Variants in SYT9 observed in about 807,000 individuals in gnomAD.
SYT9 encodes synaptotagmin 9.
SYT9 carries 22 observed loss-of-function variants against 48.4 expected under a neutral mutation model. The ratio of observed to expected loss-of-function variants is 0.45; its 90% CI spans 0.32 to 0.65. SYT9 has a LOEUF of 0.65. Ranked by LOEUF, SYT9 falls within the 30% of genes least tolerant of loss-of-function variation. The pLI, the probability that SYT9 is intolerant of heterozygous loss-of-function variation, is 0.03. For missense variants in SYT9, 577 were observed against 622.0 expected, an observed-to-expected ratio of 0.93 and a Z score of 0.77; for synonymous variants, 265 against 245.0, an observed-to-expected ratio of 1.08 and a Z score of -0.76.
chr11:7,258,496 A>G (rs1046261119), intron 1 of SYT9, among the ~76,000 whole-genome samples: 1 of 152,076 alleles, frequency 6.6e-6, no homozygotes, highest in Non-Finnish European at 1.5e-5. Flanking sequence ...AAATCTTCAT[A>G]TGGCCTTGCA....
At chr11:7,448,561 A>G (rs1377907734) in intron 6 of SYT9, among the ~76,000 whole-genome samples, 2 of 152,228 alleles carry the variant, frequency 1.3e-5, no homozygotes, top group Admixed American at 6.5e-5. Context: ...TTGCAATTTC[A>G]TGCTGCGATT....
At chr11:7,332,235 C>A (rs1170880851) in intron 3 of SYT9, among the ~76,000 whole-genome samples, 1 of 152,176 alleles carries the variant, frequency 6.6e-6, no homozygotes, top group Non-Finnish European at 1.5e-5. Context: ...TGAGGTATCC[C>A]ACCCTGAGAC....
intron 3 of SYT9, among the ~76,000 whole-genome samples, chr11:7,365,321 A>G (rs942327226): frequency 3.3e-5 from 5 of 152,228 alleles, no homozygotes; most frequent in African/African-American, 7.2e-5. Flanking sequence ...CTCCCAATTT[A>G]TAGAGGAGAG....
intron 1 of SYT9, among the ~76,000 whole-genome samples, chr11:7,264,014 T>G (rs1253201919): frequency 6.6e-6 from 1 of 151,994 alleles, no homozygotes; most frequent in Non-Finnish European, 1.5e-5. Flanking sequence ...CTGAGTAGGT[T>G]GAGTAGGTGG....
At chr11:7,249,219 A>C (rs1201068117), upstream of SYT9, among the ~76,000 whole-genome samples, 1 of 152,204 alleles carries the variant, frequency 6.6e-6, no homozygotes, top group East Asian at 1.9e-4. Context: ...CTTCTGTATG[A>C]TATTCTTTCT....
intron 3 of SYT9, among the ~76,000 whole-genome samples, chr11:7,345,053 CACAA>C (rs762079752): frequency 1.3e-5 from 2 of 152,152 alleles, no homozygotes; most frequent in Non-Finnish European, 2.9e-5. Context: ...GTCTTCCCAT[CACAA>C]ACAGTGTATC....
intron 1 of SYT9, among the ~76,000 whole-genome samples, chr11:7,260,279 A>T (rs770657393): frequency 6.6e-6 from 1 of 152,242 alleles, no homozygotes; most frequent in Admixed American, 6.5e-5. Context: ...GAGAGAAGTA[A>T]TTAGCTGACT....
At chr11:7,287,140 G>A (rs1848611005) in intron 1 of SYT9, among the ~76,000 whole-genome samples, 1 of 152,150 alleles carries the variant, frequency 6.6e-6, no homozygotes, top group Non-Finnish European at 1.5e-5. Flanking sequence ...AGTTCTGCAG[G>A]GCTGGGGAGG....
intron 3 of SYT9, among the ~76,000 whole-genome samples, chr11:7,343,169 T>C (rs1279034458): frequency 1.3e-5 from 2 of 152,250 alleles, no homozygotes; most frequent in South Asian, 4.1e-4. Flanking sequence ...TTCCCCATTC[T>C]TTTGGTGATT....
chr11:7,448,582 A>G (rs557120472), intron 6 of SYT9, among the ~76,000 whole-genome samples: 83 of 152,380 alleles, frequency 5.4e-4, no homozygotes, highest in African/African-American at 1.9e-3. Context: ...ATGCACGTCA[A>G]TCTACGCTGA....
chr11:7,404,467 C>CT (rs1462454235), intron 3 of SYT9, among the ~76,000 whole-genome samples: 4 of 152,004 alleles, frequency 2.6e-5, no homozygotes, highest in Admixed American at 2.6e-4. Flanking sequence ...GCTATAACTC[C>CT]TTGTTTTATT....
intron 3 of SYT9, among the ~76,000 whole-genome samples, chr11:7,374,485 G>A (rs537942942): frequency 6.6e-6 from 1 of 152,266 alleles, no homozygotes; most frequent in Admixed American, 6.5e-5. Context: ...GATCCTTGAG[G>A]AATTGCCACA....
At chr11:7,315,262 C>A (rs958945570) in intron 3 of SYT9, among the ~76,000 whole-genome samples, 1 of 152,162 alleles carries the variant, frequency 6.6e-6, no homozygotes, top group Non-Finnish European at 1.5e-5. Flanking sequence ...ATAAACCCAA[C>A]AATGGATGCT....
intron 3 of SYT9, among the ~76,000 whole-genome samples, chr11:7,323,002 A>G (rs919398017): frequency 1.6e-4 from 25 of 152,150 alleles, no homozygotes; most frequent in African/African-American, 5.5e-4. Flanking sequence ...ATTTATGTTC[A>G]TGTACATAAC....
At chr11:7,328,103 T>TA (rs1564863945) in intron 3 of SYT9, among the ~76,000 whole-genome samples, 3 of 149,726 alleles carry the variant, frequency 2.0e-5, no homozygotes, top group African/African-American at 7.4e-5. Flanking sequence ...ATAATAATTT[T>TA]AAAAAAAATT....
intron 3 of SYT9, among the ~76,000 whole-genome samples, chr11:7,403,163 G>A (rs747938596): frequency 1.2e-4 from 19 of 152,008 alleles, no homozygotes; most frequent in Non-Finnish European, 2.2e-4. Context: ...ATACTGCTTT[G>A]GCTGCATTCC....
At chr11:7,320,416 C>T (rs1454047698) in intron 3 of SYT9, among the ~76,000 whole-genome samples, 2 of 152,188 alleles carry the variant, frequency 1.3e-5, no homozygotes, top group East Asian at 1.9e-4. Context: ...TTCCATGACA[C>T]TCTGTATTTC....
At chr11:7,456,232 A>G in intron 6 of SYT9, among the ~76,000 whole-genome samples, 1 of 152,258 alleles carries the variant, frequency 6.6e-6, no homozygotes, top group East Asian at 1.9e-4. Flanking sequence ...GACTTACTGC[A>G]GACCTTTTAC....
At chr11:7,250,659 A>C (rs1589885187), upstream of SYT9, among the ~76,000 whole-genome samples, 1 of 152,116 alleles carries the variant, frequency 6.6e-6, no homozygotes, top group South Asian at 2.1e-4. Context: ...TTTCTCTGCT[A>C]TTCCCATGTA....
Sources: gnomAD v4.1 joint callset for allele counts (sites outside exome capture counted in the v4.1 genomes callset) on GRCh38, gnomAD v4.1.1 for gene constraint, MANE v1.5 for transcripts, NCBI Gene and HGNC (gene_info 2026-07-23, HGNC 2026-07-21) for gene names.